The following CEP112 variants were observed in gnomAD, a reference collection of about 807,000 sequenced individuals.
CEP112 encodes centrosomal protein 112, also known as centrosomal protein of 112 kDa.
In CEP112, 127 loss-of-function variants were observed where a neutral mutation model predicts 153.0. The observed-to-expected ratio is 0.83, with a 90% CI of 0.72 to 0.96. The LOEUF (loss-of-function observed/expected upper bound fraction) is 0.96. Ranked by LOEUF, CEP112 falls within the 40% of genes least tolerant of loss-of-function variation. The pLI is 0.00. For synonymous variants in CEP112, 358 were observed against 374.4 expected, an observed-to-expected ratio of 0.96 and a Z score of 0.51; for missense variants, 1,089 against 1,101.2, an observed-to-expected ratio of 0.99 and a Z score of 0.16.
rs182301640 is a variant in CEP112 at position 65,676,707 on chromosome 17, C to A, written c.2697+12422G>T. Among the ~76,000 whole-genome samples, 4 of 152,282 alleles carry A rather than the reference C, an allele frequency of 2.6e-5. No individual in the cohort carries two copies. In the East Asian group the frequency reaches 7.7e-4, roughly 29 times the overall value. Reference sequence around the variant, plus strand: ...CTAAAGAGTTTACAGTAAGAGTTCACGCTGAGCTTCATTCAGTTACCATGG... The same window carrying A: ...CTAAAGAGTTTACAGTAAGAGTTCAAGCTGAGCTTCATTCAGTTACCATGG... On this transcript the variant is annotated intron_variant, in intron 24 of 26. Coordinates refer to ENST00000535342, the MANE Select transcript of CEP112 (RefSeq NM_001199165.4).
At chr17:65,664,833 G>A (rs370612728) in intron 24 of CEP112, among the ~76,000 whole-genome samples, 1 of 152,162 alleles carries the variant, frequency 6.6e-6, no homozygotes, top group African/African-American at 2.4e-5. Flanking sequence ...TGTGGATTGG[G>A]TGGCTTAAAC....
At chr17:66,029,406 T>C (rs953189280) in intron 13 of CEP112, among the ~76,000 whole-genome samples, 154 bp from the exon 14 acceptor site, 3 of 152,106 alleles carry the variant, frequency 2.0e-5, no homozygotes, top group Non-Finnish European at 4.4e-5. Flanking sequence ...TCTGCTTATG[T>C]TAAAAACAGG....
intron 21 of CEP112, among the ~76,000 whole-genome samples, chr17:65,813,139 C>A (rs973517235): frequency 6.6e-6 from 1 of 152,028 alleles, no homozygotes; most frequent in Non-Finnish European, 1.5e-5. Flanking sequence ...ACAGAAACAC[C>A]AAGAAAAGGT....
chr17:65,724,749 A>C (rs2050085781), intron 23 of CEP112, among the ~76,000 whole-genome samples: 1 of 152,188 alleles, frequency 6.6e-6, no homozygotes, highest in African/African-American at 2.4e-5. Context: ...CAGGTGTTAA[A>C]GTTCTACAGC....
intron 21 of CEP112, among the ~76,000 whole-genome samples, chr17:65,838,003 T>C (rs918514611): frequency 2.6e-5 from 4 of 152,054 alleles, no homozygotes; most frequent in Non-Finnish European, 5.9e-5. Flanking sequence ...TGTTCACATG[T>C]TTATCTGCTG....
At chr17:66,136,972 T>C (rs2070462443) in intron 4 of CEP112, among the ~76,000 whole-genome samples, 1 of 151,584 alleles carries the variant, frequency 6.6e-6, no homozygotes, top group African/African-American at 2.4e-5. Flanking sequence ...ACACAAAGGG[T>C]CAAGGAAAAT....
At chr17:66,095,269 A>C (rs969003275) in intron 8 of CEP112, among the ~76,000 whole-genome samples, 4 of 152,108 alleles carry the variant, frequency 2.6e-5, no homozygotes, top group African/African-American at 9.7e-5. Flanking sequence ...AATGAAAAAA[A>C]TGTGATATAT....
At position 65,693,664 on chromosome 17, in the gene CEP112, T is replaced by C. The variant is rs535308787; in HGVS notation, c.2608-4446A>G. Reference sequence around the variant, plus strand: ...GCACAAGTCAGAAGCGGTGGGGCAGTGTGCTTTCTGACATGCTGGGTTGAA... The same window carrying C: ...GCACAAGTCAGAAGCGGTGGGGCAGCGTGCTTTCTGACATGCTGGGTTGAA... On this transcript the variant is annotated intron_variant, in intron 23 of 26. Transcript: ENST00000535342. 2.6e-5 allele frequency among the ~76,000 whole-genome samples: 4 copies of C among 152,236 alleles called. No homozygotes were observed. In the South Asian group the frequency reaches 8.3e-4, roughly 32 times the overall value.
intron 11 of CEP112, among the ~76,000 whole-genome samples, chr17:66,062,346 G>A (rs983566503): frequency 3.3e-5 from 5 of 150,994 alleles, no homozygotes; most frequent in African/African-American, 1.2e-4. Flanking sequence ...ACAGTAGAGT[G>A]ATTATAGTTT....
At chr17:65,894,516 CAA>C (rs1274506758) in intron 20 of CEP112, among the ~76,000 whole-genome samples, 5 of 152,040 alleles carry the variant, frequency 3.3e-5, no homozygotes, top group Non-Finnish European at 7.4e-5. Flanking sequence ...AAAATACTAA[CAA>C]ACATTGAACT....
chr17:65,731,077 G>GT (rs2050480143), intron 23 of CEP112, among the ~76,000 whole-genome samples: 1 of 152,152 alleles, frequency 6.6e-6, no homozygotes, highest in South Asian at 2.1e-4. Context: ...TATTTCTAAC[G>GT]TTTCCCCAAA....
chr17:65,993,842 G>A (rs1177268103), intron 17 of CEP112, among the ~76,000 whole-genome samples: 2 of 152,086 alleles, frequency 1.3e-5, no homozygotes, highest in Non-Finnish European at 2.9e-5. Context: ...TGACGGTTAG[G>A]GGCTTGGGAG....
chr17:66,148,116 C>T (rs947866765), intron 4 of CEP112, among the ~76,000 whole-genome samples: 6 of 152,092 alleles, frequency 3.9e-5, no homozygotes, highest in Admixed American at 6.6e-5. Context: ...CTGGGGAGGC[C>T]GCACAATCAT....
At chr17:65,884,593 G>A (rs1409131938) in intron 20 of CEP112, among the ~76,000 whole-genome samples, 2 of 152,014 alleles carry the variant, frequency 1.3e-5, no homozygotes, top group Non-Finnish European at 1.5e-5. Context: ...ATATGAGGTA[G>A]GCTATAGACA....
chr17:65,816,347 G>A (rs2056263051), intron 21 of CEP112, among the ~76,000 whole-genome samples: 1 of 151,880 alleles, frequency 6.6e-6, no homozygotes, highest in South Asian at 2.1e-4. Flanking sequence ...ACATGAATAA[G>A]TTCTTTAGTG....
At chr17:66,023,868 A>C (rs2065094122) in intron 16 of CEP112, among the ~76,000 whole-genome samples, 1 of 152,186 alleles carries the variant, frequency 6.6e-6, no homozygotes. Flanking sequence ...AAGCATGAAC[A>C]AAAAAAGTAA....
At chr17:66,007,534 G>A (rs189300364) in intron 16 of CEP112, among the ~76,000 whole-genome samples, 1 of 152,240 alleles carries the variant, frequency 6.6e-6, no homozygotes, top group Admixed American at 6.5e-5. Context: ...AGCAACAAAA[G>A]CACCATTTCA....
At chr17:65,994,391 G>C (rs938643882) in intron 17 of CEP112, among the ~76,000 whole-genome samples, 1 of 152,118 alleles carries the variant, frequency 6.6e-6, no homozygotes, top group Non-Finnish European at 1.5e-5. Context: ...ATGGTGGCGT[G>C]GTCATAGCTC....
chr17:65,765,561 G>T (rs1363459958), intron 21 of CEP112, among the ~76,000 whole-genome samples: 5 of 152,056 alleles, frequency 3.3e-5, no homozygotes, highest in Non-Finnish European at 2.9e-5. Context: ...ATGGCTGCTT[G>T]CAAGCCATGT....
Sources: gnomAD v4.1 joint callset for allele counts (sites outside exome capture counted in the v4.1 genomes callset) on GRCh38, gnomAD v4.1.1 for gene constraint, MANE v1.5 for transcripts, NCBI Gene and HGNC (gene_info 2026-07-23, HGNC 2026-07-21) for gene names.